AKAP13: variants seen among roughly 807,000 people sequenced by gnomAD.
AKAP13 encodes A-kinase anchoring protein 13.
A neutral mutation model predicts 264.5 loss-of-function variants in AKAP13; 80 were observed. The observed-to-expected ratio is 0.30, with a 90% CI of 0.25 to 0.36. The LOEUF is 0.36. Ranked by LOEUF, AKAP13 falls within the 10% of genes least tolerant of loss-of-function variation. AKAP13 has a pLI of 1.00. For synonymous variants in AKAP13, 1,380 were observed against 1,250.2 expected (o/e 1.10, Z -2.19); for missense variants, 3,712 against 3,435.2 (o/e 1.08, Z -2.01).
At chr15:85,700,862 C>T (rs1023475067) in intron 17 of AKAP13, among the ~76,000 whole-genome samples, 4 of 151,772 alleles carry the variant, frequency 2.6e-5, no homozygotes, top group South Asian at 2.1e-4. Flanking sequence ...ACATGAAGAA[C>T]GTTAAGATGT....
intron 8 of AKAP13, among the ~76,000 whole-genome samples, chr15:85,589,085 CTT>C (rs1276886777): frequency 1.3e-5 from 2 of 152,132 alleles, no homozygotes; most frequent in Non-Finnish European, 2.9e-5. Context: ...CTACTTAACT[CTT>C]CTCCGTGGTG....
intron 13 of AKAP13, among the ~76,000 whole-genome samples, chr15:85,667,030 C>G (rs2083642495): frequency 6.6e-6 from 1 of 152,114 alleles, no homozygotes; most frequent in Admixed American, 6.6e-5. Context: ...AAATGAAACA[C>G]TTACAATTTA....
At chr15:85,412,708 T>C (rs2072035987) in intron 1 of AKAP13, among the ~76,000 whole-genome samples, 1 of 152,234 alleles carries the variant, frequency 6.6e-6, no homozygotes, top group African/African-American at 2.4e-5. Flanking sequence ...CCACTGATTA[T>C]AGCTTACAAT....
At chr15:85,589,484 A>G (rs1343621268) in intron 8 of AKAP13, among the ~76,000 whole-genome samples, 1 of 152,028 alleles carries the variant, frequency 6.6e-6, no homozygotes, top group Non-Finnish European at 1.5e-5. Context: ...AGCCGGGCAC[A>G]GCGGCTCATG....
At chr15:85,463,826 G>T (rs1235831798) in intron 1 of AKAP13, among the ~76,000 whole-genome samples, 1 of 151,298 alleles carries the variant, frequency 6.6e-6, no homozygotes, top group South Asian at 2.1e-4. Flanking sequence ...TTTTCCCCCT[G>T]GGTGATGTTG....
intron 36 of AKAP13, 88 bp from the exon 37 acceptor site, chr15:85,744,540 A>G: frequency 2.1e-6 from 3 of 1,418,372 alleles, no homozygotes; most frequent in Non-Finnish European, 2.0e-6. Context: ...GCCTGTTTGC[A>G]TTACAGAAGA....
At position 85,743,672 on chromosome 15, in the gene AKAP13, C is replaced by T; in HGVS notation, c.8239C>T (p.Leu2747=). 5 of 1,614,178 alleles carry T rather than the reference C, an allele frequency of 3.1e-6. No homozygotes were observed. The highest frequency in any genetic ancestry group is 3.4e-6 in the Non-Finnish European group (4 of 1,180,046). The change falls in exon 36 of 37, where the codon CTG becomes TTG. Residue 2747 remains leucine (L), a synonymous_variant. Transcript: ENST00000394518. ...CAAAGATAAGGGGCCTTTTCACATACTGAGTTCAACCAGCCAGACAAACAA... is the reference window on the plus strand; with the variant it reads ...CAAAGATAAGGGGCCTTTTCACATATTGAGTTCAACCAGCCAGACAAACAA... ...THKDKGPFHI[L]SSTSQTNKGP... is the part of the protein sequence containing the mutation.
intron 1 of AKAP13, among the ~76,000 whole-genome samples, chr15:85,439,332 G>A (rs2073504962): frequency 6.7e-6 from 1 of 149,358 alleles, no homozygotes; most frequent in East Asian, 2.0e-4. Flanking sequence ...AGGTGCTGGA[G>A]AGGATGTGGA....
At chr15:85,511,653 CA>C (rs1380609505) in intron 2 of AKAP13, among the ~76,000 whole-genome samples, 1 of 152,016 alleles carries the variant, frequency 6.6e-6, no homozygotes, top group Non-Finnish European at 1.5e-5. Context: ...ATTTGAGAGA[CA>C]AGGTCTTGCC....
intron 35 of AKAP13, among the ~76,000 whole-genome samples, chr15:85,741,971 G>C (rs547626720): frequency 2.0e-5 from 3 of 152,210 alleles, no homozygotes; most frequent in South Asian, 4.1e-4. Context: ...CTTGAACCGG[G>C]GAGGTGGGGA....
chr15:85,547,528 G>C (rs542448600), intron 5 of AKAP13, among the ~76,000 whole-genome samples: 3 of 148,756 alleles, frequency 2.0e-5, no homozygotes, highest in South Asian at 2.2e-4. Flanking sequence ...CTACCAGATA[G>C]TAATAACTAC....
intron 1 of AKAP13, among the ~76,000 whole-genome samples, chr15:85,410,405 C>G (rs1176192961): frequency 2.6e-5 from 4 of 151,624 alleles, no homozygotes; most frequent in Non-Finnish European, 5.9e-5. Flanking sequence ...TCTTAATTTT[C>G]CTGTACACTG....
Position 85,581,757 on chromosome 15 carries a change from T to A in AKAP13, c.3689T>A (p.Leu1230Gln). 6.2e-7 allele frequency: 1 copy of A among 1,614,194 alleles called. No homozygotes were observed. The highest frequency in any genetic ancestry group is 8.5e-7 in the Non-Finnish European group (1 of 1,180,010). The part of the protein sequence containing the change: ...PSGRERSTPS[L>Q]PCMVSAQDAP... ...GGCAGGGAAAGGAGCACTCCCTCTCTACCTTGCATGGTCTCTGCCCAGGAC... is the reference window on the plus strand; with the variant it reads ...GGCAGGGAAAGGAGCACTCCCTCTCAACCTTGCATGGTCTCTGCCCAGGAC... Residue 1230 changes from leucine to glutamine, a missense_variant, in exon 7 of 37, where the codon CTA becomes CAA. Physicochemically the swap from Leu to Gln is moderately radical, Grantham distance 113. Around this residue, in one of 3 missense-constraint regions of AKAP13, gnomAD observed 2,759 missense variants for 2,411.7 expected, o/e 1.14. Transcript: ENST00000394518.
At chr15:85,628,519 C>CTG (rs1238358685) in intron 8 of AKAP13, among the ~76,000 whole-genome samples, 1 of 152,180 alleles carries the variant, frequency 6.6e-6, no homozygotes, top group East Asian at 1.9e-4. Context: ...AAGAGAGAAC[C>CTG]TGCCCGAAAG....
Position 85,620,158 on chromosome 15 carries a change from G to A in AKAP13, c.4162-19216G>A, listed in dbSNP as rs907419265. The A allele has an allele frequency of 8.5e-6, 13 of 1,535,940 alleles. No individual in the cohort carries two copies. In the East Asian group the frequency reaches 9.8e-5, roughly 12 times the overall value. ...CTCCAAGGTGGACAGGACTGTGGAC[G>A]TGGTATTGCTGAAGGTAAGGGGGGC... On this transcript the variant is annotated intron_variant, in intron 8 of 36. Coordinates refer to ENST00000394518, the MANE Select transcript of AKAP13 (RefSeq NM_007200.5).
intron 5 of AKAP13, among the ~76,000 whole-genome samples, chr15:85,564,307 T>C (rs2078527658): frequency 6.6e-6 from 1 of 152,188 alleles, no homozygotes; most frequent in Admixed American, 6.5e-5. Context: ...ATCCAAATTC[T>C]CCGATTCTTA....
rs140530473 is a variant in AKAP13 at position 85,463,293 on chromosome 15, T to G, written c.-11-22417T>G. Among the ~76,000 whole-genome samples, 164 of 152,296 alleles carry G rather than the reference T, an allele frequency of 1.1e-3. 1 individual carries two copies. The highest frequency in any genetic ancestry group is 3.8e-3 in the African/African-American group (160 of 41,568). ...TTTGAACAAACAAGGGATGAACATT[T>G]TATAAATTTAATGTAGGAATTATGT... On this transcript the variant is annotated intron_variant, in intron 1 of 36. Coordinates refer to ENST00000394518, the MANE Select transcript of AKAP13 (RefSeq NM_007200.5).
At chr15:85,606,254 ACCACG>A (rs2080330242) in intron 8 of AKAP13, among the ~76,000 whole-genome samples, 1 of 151,698 alleles carries the variant, frequency 6.6e-6, no homozygotes, top group Non-Finnish European at 1.5e-5. Flanking sequence ...AGTACCCACC[ACCACG>A]CCCAGCTGAT....
At chr15:85,678,739 G>GGC in intron 14 of AKAP13, among the ~76,000 whole-genome samples, 1 of 151,912 alleles carries the variant, frequency 6.6e-6, no homozygotes, top group Non-Finnish European at 1.5e-5. Context: ...CATAGTGATG[G>GGC]GCACCTGTAG....
Sources: gnomAD v4.1 joint callset for allele counts (sites outside exome capture counted in the v4.1 genomes callset) on GRCh38, gnomAD v4.1.1 for gene constraint, gnomAD v4.1.1 regional missense constraint, MANE v1.5 for transcripts, NCBI Gene and HGNC (gene_info 2026-07-23, HGNC 2026-07-21) for gene names.